Variants in GNB4 observed in about 807,000 individuals in gnomAD.
GNB4 encodes the protein G protein subunit beta 4.
GNB4 carries 28 observed loss-of-function variants against 45.2 expected under a neutral mutation model. The ratio of observed to expected loss-of-function variants is 0.62; its 90% CI spans 0.46 to 0.85. The LOEUF (loss-of-function observed/expected upper bound fraction) is 0.85. GNB4 is among the 40% of genes least tolerant of loss of function. The pLI, the probability that GNB4 is intolerant of heterozygous loss-of-function variation, is 0.00. For synonymous variants in GNB4, 132 were observed against 143.7 expected (o/e 0.92, Z 0.58); for missense variants, 321 against 425.4 (o/e 0.75, Z 2.16).
At chr3:179,471,925 C>T in the GNB4 span, among the ~76,000 whole-genome samples, 1 of 151,970 alleles carries the variant, frequency 6.6e-6, no homozygotes, top group African/African-American at 2.4e-5. Context: ...TGACTTAGAT[C>T]CTAAAGATGC....
chr3:179,448,522 G>A (rs923443046), intron 1 of GNB4, among the ~76,000 whole-genome samples: 1 of 150,304 alleles, frequency 6.7e-6, no homozygotes, highest in Middle Eastern at 3.5e-3. Context: ...ATAAATACAC[G>A]GTTTGTTGTT....
upstream of GNB4, chr3:179,451,537 G>C (rs1030843054): frequency 3.3e-5 from 5 of 150,268 alleles, no homozygotes; most frequent in Admixed American, 6.6e-5. Context: ...GACGTGGCTG[G>C]AGGCGCGAGG....
chr3:179,438,327 G>A (rs983999166), intron 1 of GNB4, among the ~76,000 whole-genome samples: 4 of 152,220 alleles, frequency 2.6e-5, no homozygotes, highest in Non-Finnish European at 5.9e-5. Flanking sequence ...TGGAGCCAGA[G>A]ATGACTACTT....
At chr3:179,451,475 A>C (rs1715873782), upstream of GNB4, 3 of 150,824 alleles carry the variant, frequency 2.0e-5, no homozygotes, top group African/African-American at 7.3e-5. Flanking sequence ...GGCCACACCC[A>C]GTCCCGCACC....
chr3:179,518,613 C>T, the GNB4 span, among the ~76,000 whole-genome samples: 21 of 152,222 alleles, frequency 1.4e-4, no homozygotes, highest in East Asian at 7.7e-4. Flanking sequence ...ACACTCGGTC[C>T]GGCTAACAGT....
the GNB4 span, among the ~76,000 whole-genome samples, chr3:179,475,817 C>T: frequency 6.6e-6 from 1 of 152,202 alleles, no homozygotes; most frequent in East Asian, 1.9e-4. Context: ...AATGAACACA[C>T]TCCTGCAATA....
the GNB4 span, among the ~76,000 whole-genome samples, chr3:179,502,232 T>TC: frequency 7.1e-6 from 1 of 140,224 alleles, no homozygotes; most frequent in African/African-American, 2.7e-5. Flanking sequence ...TCTTTTCTTT[T>TC]TTTTTTTTTT....
chr3:179,517,342 A>G, the GNB4 span, among the ~76,000 whole-genome samples: 2 of 151,814 alleles, frequency 1.3e-5, no homozygotes, highest in African/African-American at 4.8e-5. Context: ...ACCTACCCAA[A>G]TCTTATAAAA....
intron 1 of GNB4, among the ~76,000 whole-genome samples, chr3:179,449,609 CAGACAA>C (rs572241780): frequency 2.8e-4 from 42 of 152,200 alleles, no homozygotes; most frequent in Non-Finnish European, 5.1e-4. Flanking sequence ...TAAAACCTCA[CAGACAA>C]TTTCCTTACC....
chr3:179,509,849 G>A, the GNB4 span, among the ~76,000 whole-genome samples: 5 of 152,084 alleles, frequency 3.3e-5, no homozygotes, highest in East Asian at 1.9e-4. Flanking sequence ...ACAGGGCCTC[G>A]CTCTGTCAGC....
the GNB4 span, among the ~76,000 whole-genome samples, chr3:179,508,359 A>G: frequency 6.6e-6 from 1 of 152,172 alleles, no homozygotes; most frequent in South Asian, 2.1e-4. Flanking sequence ...TGGATGACAC[A>G]TGGGCACAGC....
At chr3:179,518,165 C>T in the GNB4 span, among the ~76,000 whole-genome samples, 49 of 152,316 alleles carry the variant, frequency 3.2e-4, no homozygotes, top group Non-Finnish European at 5.0e-4. Context: ...TTAACTCACA[C>T]CTGACCTAAA....
chr3:179,433,601 C>T (rs9829054), intron 1 of GNB4, among the ~76,000 whole-genome samples: 4,250 of 150,474 alleles, frequency 0.028, 180 homozygotes, highest in African/African-American at 0.089. Context: ...TAAAAAGAGA[C>T]CCTGTCTCTA....
chr3:179,431,578 A>G (rs933481250), intron 1 of GNB4, among the ~76,000 whole-genome samples: 1 of 150,214 alleles, frequency 6.7e-6, no homozygotes, highest in South Asian at 2.1e-4. Flanking sequence ...AAAAAAGACT[A>G]AATCACTTGT....
chr3:179,447,069 A>T (rs892421338), intron 1 of GNB4, among the ~76,000 whole-genome samples: 1 of 152,176 alleles, frequency 6.6e-6, no homozygotes, highest in Admixed American at 6.5e-5. Context: ...CAAGAAAAAA[A>T]CTGCAAGAAC....
chr3:179,414,618 ATTTGC>A (rs1253688126), intron 6 of GNB4, among the ~76,000 whole-genome samples: 3 of 152,178 alleles, frequency 2.0e-5, no homozygotes, highest in African/African-American at 7.2e-5. Flanking sequence ...AGAACATTTT[ATTTGC>A]TTTATTTTTC....
At chr3:179,407,494 A>G (rs1409224388) in intron 8 of GNB4, among the ~76,000 whole-genome samples, 2 of 152,112 alleles carry the variant, frequency 1.3e-5, no homozygotes, top group Non-Finnish European at 2.9e-5. Context: ...GATCATTCCT[A>G]CAGCTGCTCC....
chr3:179,461,914 T>A, the GNB4 span, among the ~76,000 whole-genome samples: 1 of 152,234 alleles, frequency 6.6e-6, no homozygotes, highest in Non-Finnish European at 1.5e-5. Context: ...CCTGCCCTAA[T>A]CCATCCGATA....
At chr3:179,513,880 A>G in the GNB4 span, among the ~76,000 whole-genome samples, 5 of 152,188 alleles carry the variant, frequency 3.3e-5, no homozygotes, top group African/African-American at 1.2e-4. Context: ...CTGAAATCTC[A>G]CTTTCCCATG....
Sources: gnomAD v4.1 joint callset for allele counts (sites outside exome capture counted in the v4.1 genomes callset) on GRCh38, gnomAD v4.1.1 for gene constraint, MANE v1.5 for transcripts, NCBI Gene and HGNC (gene_info 2026-07-23, HGNC 2026-07-21) for gene names.